Variants in SLC4A4 observed in about 807,000 individuals in gnomAD.
SLC4A4 encodes the protein solute carrier family 4 member 4, also known as electrogenic sodium bicarbonate cotransporter 1.
A neutral mutation model predicts 111.5 loss-of-function variants in SLC4A4; 27 were observed. The ratio of observed to expected loss-of-function variants is 0.24; its 90% confidence interval spans 0.18 to 0.33. The LOEUF (loss-of-function observed/expected upper bound fraction) is 0.33, where lower values mean the gene tolerates loss of function less well. Ranked by LOEUF, SLC4A4 falls within the 10% of genes least tolerant of loss-of-function variation. The pLI, the probability that SLC4A4 is intolerant of heterozygous loss-of-function variation, is 1.00. For missense variants in SLC4A4, 909 were observed against 1,315.5 expected (o/e 0.69, Z 4.78); for synonymous variants, 443 against 463.4 (o/e 0.96, Z 0.57).
intron 3 of SLC4A4, among the ~76,000 whole-genome samples, chr4:71,313,673 G>C (rs908426398): frequency 1.3e-5 from 2 of 152,178 alleles, no homozygotes; most frequent in African/African-American, 4.8e-5. Context: ...ATGGGGAAAG[G>C]ATTCCCTATT....
At chr4:71,301,813 C>T (rs1026345649) in intron 3 of SLC4A4, among the ~76,000 whole-genome samples, 2 of 152,212 alleles carry the variant, frequency 1.3e-5, no homozygotes, top group South Asian at 4.1e-4. Flanking sequence ...ATCCCAGCCA[C>T]CTCTGCTGTT....
In SLC4A4 at chr4:71,490,461, G is replaced by A. The variant is rs1019919998; in HGVS notation, c.1974+3443G>A. 2.0e-5 allele frequency among the ~76,000 whole-genome samples: 3 copies of A among 151,786 alleles called. No homozygotes were observed. In the South Asian group the frequency reaches 6.2e-4, roughly 31 times the overall value. ...TTTCCATCATACCAGAAGGTCCCAT[G>A]GAATGCTGTATTTTGTTTGATACCC... On this transcript the variant is annotated intron_variant, in intron 15 of 25. Coordinates refer to ENST00000264485, the MANE Select transcript of SLC4A4 (RefSeq NM_001098484.3).
At chr4:71,318,562 A>C (rs1726875799) in intron 3 of SLC4A4, among the ~76,000 whole-genome samples, 1 of 152,026 alleles carries the variant, frequency 6.6e-6, no homozygotes, top group South Asian at 2.1e-4. Context: ...CCAAAGAAAA[A>C]AACCAATTAG....
chr4:71,400,114 A>G (rs1010295763), intron 7 of SLC4A4, among the ~76,000 whole-genome samples: 1 of 152,192 alleles, frequency 6.6e-6, no homozygotes, highest in Non-Finnish European at 1.5e-5. Context: ...TAGCTTAGGA[A>G]TATCTTGTTG....
intron 2 of SLC4A4, among the ~76,000 whole-genome samples, chr4:71,139,670 C>T (rs1217096595): frequency 3.3e-5 from 5 of 152,128 alleles, no homozygotes; most frequent in African/African-American, 4.8e-5. Flanking sequence ...CATTCACTTG[C>T]TAATCTGCTT....
chr4:71,297,121 A>G (rs779870058), intron 3 of SLC4A4, among the ~76,000 whole-genome samples: 1 of 152,220 alleles, frequency 6.6e-6, no homozygotes, highest in African/African-American at 2.4e-5. Context: ...GAGGTTTCCC[A>G]TGTATTGGGA....
intron 14 of SLC4A4, among the ~76,000 whole-genome samples, chr4:71,477,846 A>T (rs781281761): frequency 2.0e-5 from 3 of 151,950 alleles, no homozygotes; most frequent in Admixed American, 6.6e-5. Context: ...AGAATTGTGC[A>T]GAAAATTTTT....
chr4:71,169,146 A>G (rs1342043542), intron 2 of SLC4A4, among the ~76,000 whole-genome samples: 1 of 150,984 alleles, frequency 6.6e-6, no homozygotes, highest in Non-Finnish European at 1.5e-5. Context: ...AGTAGCTGGG[A>G]TTACAGGCAT....
intron 3 of SLC4A4, among the ~76,000 whole-genome samples, chr4:71,270,976 CT>C (rs1722665646): frequency 6.6e-6 from 1 of 152,306 alleles, no homozygotes; most frequent in African/African-American, 2.4e-5. Flanking sequence ...CATCCTGCCT[CT>C]TCTCTTCCAG....
chr4:71,081,695 G>C (rs1318194081), intron 1 of SLC4A4, among the ~76,000 whole-genome samples: 1 of 152,104 alleles, frequency 6.6e-6, no homozygotes, highest in African/African-American at 2.4e-5. Context: ...ATTTGGAACT[G>C]ATCTAGTTGG....
intron 3 of SLC4A4, among the ~76,000 whole-genome samples, chr4:71,297,456 A>T (rs185331113): frequency 6.6e-6 from 1 of 151,764 alleles, no homozygotes; most frequent in Non-Finnish European, 1.5e-5. Context: ...GCTGTAGAAG[A>T]TAATTACTTA....
At chr4:71,373,275 G>A (rs1193948112) in intron 6 of SLC4A4, among the ~76,000 whole-genome samples, 1 of 152,166 alleles carries the variant, frequency 6.6e-6, no homozygotes, top group East Asian at 1.9e-4. Flanking sequence ...AGGAGGGTAG[G>A]GGGCAGACTG....
chr4:71,345,198 A>G (rs979180006), intron 4 of SLC4A4, among the ~76,000 whole-genome samples: 1 of 152,150 alleles, frequency 6.6e-6, no homozygotes, highest in African/African-American at 2.4e-5. Flanking sequence ...TGCTTCCATT[A>G]AGAATGTCTA....
rs1220577469 is a variant in SLC4A4 at position 71,277,592 on chromosome 4, CTT to C, written c.253+22195_253+22196del. ...TCCTTCCTTCCTTCCTTCCTTCTTT[CTT>C]TCTCTCTCTCTCCTTCCTTCCTTCC... On this transcript the variant is annotated intron_variant, in intron 3 of 25. Coordinates refer to ENST00000264485, the MANE Select transcript of SLC4A4 (RefSeq NM_001098484.3). Among the ~76,000 whole-genome samples, 1,180 of 145,984 alleles carry C rather than the reference CTT, an allele frequency of 8.1e-3. 20 individuals carry two copies. Among genetic ancestry groups the C allele is most frequent in the East Asian group, 0.064 (307 of 4,812 alleles).
Position 71,570,931 on chromosome 4 carries a change from A to C in SLC4A4, c.*3180A>C, listed in dbSNP as rs549463970. On this transcript the variant is annotated 3_prime_UTR_variant, in exon 26 of 26. Transcript: ENST00000264485. ...GTTGAGGAGTGGGGCTGGGGAGAGGACTTAACTGACTTAAGAAGTAGGAAA... is the reference window on the plus strand; with the variant it reads ...GTTGAGGAGTGGGGCTGGGGAGAGGCCTTAACTGACTTAAGAAGTAGGAAA... 1 of 151,986 alleles carries C rather than the reference A, an allele frequency of 6.6e-6. No individual in the cohort carries two copies. The highest frequency in any genetic ancestry group is 1.5e-5 in the Non-Finnish European group (1 of 67,772). 9.4% of individuals were successfully genotyped at this position (151,986 alleles called of 1,614,324 possible).
At chr4:71,363,201 C>G (rs139678464) in intron 6 of SLC4A4, among the ~76,000 whole-genome samples, 68 of 152,250 alleles carry the variant, frequency 4.5e-4, no homozygotes, top group African/African-American at 1.6e-3. Context: ...CAATGCAGAA[C>G]AAACAATGGA....
intron 3 of SLC4A4, among the ~76,000 whole-genome samples, chr4:71,270,348 CCAAA>C (rs1461159384): frequency 1.3e-5 from 2 of 152,194 alleles, no homozygotes; most frequent in African/African-American, 4.8e-5. Context: ...CCTCGGCCTC[CCAAA>C]GTGCTGGGAT....
chr4:71,468,164 T>A (rs900481806), intron 13 of SLC4A4, among the ~76,000 whole-genome samples: 1 of 152,110 alleles, frequency 6.6e-6, no homozygotes, highest in Non-Finnish European at 1.5e-5. Flanking sequence ...ATCCCTTCTC[T>A]ATCATAATTC....
At chr4:71,367,792 A>G (rs1006834267) in intron 6 of SLC4A4, among the ~76,000 whole-genome samples, 4 of 152,238 alleles carry the variant, frequency 2.6e-5, no homozygotes, top group Non-Finnish European at 5.9e-5. Context: ...TACAGCTTTT[A>G]AACACAGACA....
Sources: gnomAD v4.1 joint callset for allele counts (sites outside exome capture counted in the v4.1 genomes callset) on GRCh38, gnomAD v4.1.1 for gene constraint, MANE v1.5 for transcripts, NCBI Gene and HGNC (gene_info 2026-07-23, HGNC 2026-07-21) for gene names.